The following DMD variants were observed in gnomAD, a reference collection of about 807,000 sequenced individuals.
DMD encodes the protein mutant dystrophin.
A neutral mutation model predicts 330.1 loss-of-function variants in DMD; 63 were observed. The observed-to-expected ratio is 0.19, with a 90% CI of 0.16 to 0.24. DMD has a LOEUF of 0.24. Among genes scored for constraint, DMD ranks in the 10% least tolerant of loss-of-function variants. The pLI is 1.00. For missense variants in DMD, 3,344 were observed against 2,684.1 expected, an observed-to-expected ratio of 1.25 and a Z score of -5.43; for synonymous variants, 1,223 against 959.8, an observed-to-expected ratio of 1.27 and a Z score of -5.07.
intron 44 of DMD, among the ~76,000 whole-genome samples, chrX:32,120,882 C>T (rs963823330): frequency 8.9e-6 from 1 of 112,254 alleles, no homozygotes; most frequent in Non-Finnish European, 1.9e-5. Context: ...CAACCAAACC[C>T]TTGCTTCTCT....
At chrX:31,675,403 C>G (rs1295752301) in intron 53 of DMD, among the ~76,000 whole-genome samples, 1 of 112,136 alleles carries the variant, frequency 8.9e-6, no homozygotes, top group Non-Finnish European at 1.9e-5. Context: ...TGCTCTGTCA[C>G]CCAGGCTGGA....
intron 9 of DMD, among the ~76,000 whole-genome samples, chrX:32,693,238 T>G: frequency 1.8e-5 from 2 of 112,010 alleles, no homozygotes; most frequent in Middle Eastern, 9.2e-3. Flanking sequence ...AAGGCAGCCC[T>G]GCTGATATGT....
At chrX:32,987,928 T>C (rs906342059) in intron 2 of DMD, among the ~76,000 whole-genome samples, 3 of 109,910 alleles carry the variant, frequency 2.7e-5, no homozygotes, top group Admixed American at 2.0e-4. Context: ...GTAAAAATTA[T>C]AAAATGATAA....
intron 1 of DMD, among the ~76,000 whole-genome samples, chrX:33,053,839 C>T (rs187270303): frequency 2.3e-3 from 243 of 106,525 alleles, no homozygotes; most frequent in African/African-American, 7.9e-3. Flanking sequence ...CGTACAATGT[C>T]GTTCTTGAGG....
intron 56 of DMD, among the ~76,000 whole-genome samples, chrX:31,506,859 G>A (rs7058685): frequency 0.27 from 30,285 of 111,105 alleles, 4,645 homozygotes; most frequent in African/African-American, 0.58. Flanking sequence ...TTATATAATT[G>A]TAATGTGTTA....
At chrX:33,239,245 G>T (rs2052543118) in intron 1 of DMD, among the ~76,000 whole-genome samples, 1 of 79,549 alleles carries the variant, frequency 1.3e-5, no homozygotes, top group Admixed American at 1.9e-4. Flanking sequence ...CTGAACTCCA[G>T]CCTGGGTGAC....
chrX:31,828,640 G>C (rs1236759486), intron 49 of DMD, among the ~76,000 whole-genome samples: 9 of 92,397 alleles, frequency 9.7e-5, no homozygotes, highest in African/African-American at 3.3e-4. Flanking sequence ...CTAAAGCCTA[G>C]GTGAAAGAGC....
At chrX:32,867,955 G>C (rs199738197) in intron 2 of DMD, among the ~76,000 whole-genome samples, 19 of 111,115 alleles carry the variant, frequency 1.7e-4, no homozygotes, top group Non-Finnish European at 3.2e-4. Context: ...TGACCAACTA[G>C]GAACAGCTGC....
chrX:32,653,463 G>T (rs1156282972), intron 9 of DMD, among the ~76,000 whole-genome samples: 1 of 111,750 alleles, frequency 8.9e-6, no homozygotes, highest in Non-Finnish European at 1.9e-5. Flanking sequence ...AGATCAGATA[G>T]TAGTAGATAT....
At chrX:31,546,088 C>T (rs938758989) in intron 55 of DMD, among the ~76,000 whole-genome samples, 7 of 111,972 alleles carry the variant, frequency 6.3e-5, no homozygotes, top group Non-Finnish European at 1.1e-4. Flanking sequence ...GCCCAAGCCC[C>T]GCCAACAGAT....
intron 30 of DMD, among the ~76,000 whole-genome samples, chrX:32,397,160 T>C (rs1033878195): frequency 3.3e-4 from 37 of 111,788 alleles, no homozygotes; most frequent in African/African-American, 1.1e-3. Flanking sequence ...ATCTCTCTAC[T>C]TGTCTACTAG....
At chrX:32,272,293 T>C (rs1340910162) in intron 43 of DMD, among the ~76,000 whole-genome samples, 1 of 112,228 alleles carries the variant, frequency 8.9e-6, no homozygotes, top group African/African-American at 3.2e-5. Context: ...AGGAATTTGC[T>C]AAGGAGCAAG....
chrX:31,550,076 TGA>T (rs969106038), intron 55 of DMD, among the ~76,000 whole-genome samples: 19 of 111,055 alleles, frequency 1.7e-4, no homozygotes, highest in Non-Finnish European at 3.0e-4. Context: ...TCAAGGAAGG[TGA>T]GAGAGAGCAT....
chrX:32,726,263 T>C (rs1270218266), intron 7 of DMD, among the ~76,000 whole-genome samples: 2 of 111,347 alleles, frequency 1.8e-5, no homozygotes, highest in African/African-American at 6.5e-5. Context: ...ATATTCACAA[T>C]GTAGCTTATC....
At chrX:32,542,725 A>G (rs1392100516) in intron 17 of DMD, among the ~76,000 whole-genome samples, 4 of 112,248 alleles carry the variant, frequency 3.6e-5, no homozygotes, top group African/African-American at 9.7e-5. Flanking sequence ...ATACTTTAAC[A>G]AGATTCCACC....
At chrX:32,693,471 T>G (rs2063430544) in intron 9 of DMD, among the ~76,000 whole-genome samples, 1 of 111,778 alleles carries the variant, frequency 8.9e-6, no homozygotes, top group African/African-American at 3.3e-5. Context: ...GACCGAGTCT[T>G]GCCCTGTCAC....
intron 44 of DMD, among the ~76,000 whole-genome samples, chrX:31,992,815 T>C (rs1197279612): frequency 8.9e-6 from 1 of 112,030 alleles, no homozygotes; most frequent in Non-Finnish European, 1.9e-5. Flanking sequence ...ATTGGTCTTA[T>C]GATAATGCAT....
At chrX:32,190,067 A>G (rs780170164) in intron 44 of DMD, among the ~76,000 whole-genome samples, 194 of 110,482 alleles carry the variant, frequency 1.8e-3, no homozygotes, top group African/African-American at 6.2e-3. Flanking sequence ...TTGCTCCCCA[A>G]GGGACATTTG....
intron 7 of DMD, among the ~76,000 whole-genome samples, chrX:32,772,784 C>T (rs985666194): frequency 1.4e-4 from 16 of 111,750 alleles, no homozygotes; most frequent in Non-Finnish European, 2.8e-4. Flanking sequence ...CAGACTCCCC[C>T]CTATATCAAG....
Sources: gnomAD v4.1 joint callset for allele counts (sites outside exome capture counted in the v4.1 genomes callset) on GRCh38, gnomAD v4.1.1 for gene constraint, MANE v1.5 for transcripts, NCBI Gene and HGNC (gene_info 2026-07-23, HGNC 2026-07-21) for gene names.